Variants in MINDY4B observed in about 807,000 individuals in gnomAD.
MINDY4B encodes MINDY family member 4B, also known as inactive ubiquitin carboxyl-terminal hydrolase MINDY-4B.
MINDY4B carries 25 observed loss-of-function variants against 16.7 expected under a neutral mutation model. The observed-to-expected ratio is 1.49, with a 90% confidence interval of 1.09 to 2.09. The LOEUF (loss-of-function observed/expected upper bound fraction) is 2.09, where lower values mean the gene tolerates loss of function less well. Among genes scored for constraint, MINDY4B ranks in the 30% most tolerant of loss-of-function variants. MINDY4B has a pLI of 0.00. For synonymous variants in MINDY4B, 132 were observed against 61.9 expected (o/e 2.13, Z -5.32); for missense variants, 327 against 168.4 (o/e 1.94, Z -5.21).
intron 9 of MINDY4B, 85 bp downstream of exon 9, chr3:150,883,614 CT>C: frequency 3.0e-6 from 2 of 662,566 alleles, no homozygotes; most frequent in South Asian, 1.6e-5. Context: ...ATTCAGATTG[CT>C]TTTCTTTTTT....
At chr3:150,881,004 C>T (rs1711517169) in intron 10 of MINDY4B, among the ~76,000 whole-genome samples, 1 of 152,190 alleles carries the variant, frequency 6.6e-6, no homozygotes, top group African/African-American at 2.4e-5. Context: ...TGATTAGGAG[C>T]TTTATAACGA....
At chr3:150,893,465 G>A (rs1465171531) in intron 4 of MINDY4B, 50 bp from the exon 5 acceptor site, 1 of 702,514 alleles carries the variant, frequency 1.4e-6, no homozygotes, top group South Asian at 1.5e-5. Context: ...GGAAATTAAT[G>A]TTATCTATTC....
chr3:150,889,547 C>T (rs113150886), intron 7 of MINDY4B, among the ~76,000 whole-genome samples: 4 of 152,320 alleles, frequency 2.6e-5, no homozygotes, highest in Non-Finnish European at 5.9e-5. Flanking sequence ...TTTACAAGTT[C>T]CGGGTATAGA....
At chr3:150,898,284 T>C (rs139335158) in intron 3 of MINDY4B, among the ~76,000 whole-genome samples, 2 of 152,202 alleles carry the variant, frequency 1.3e-5, no homozygotes, top group African/African-American at 4.8e-5. Context: ...AAGCTGTGTA[T>C]AAATGTGGAA....
intron 11 of MINDY4B, among the ~76,000 whole-genome samples, chr3:150,871,927 T>A (rs1003377973): frequency 1.3e-5 from 2 of 152,192 alleles, no homozygotes; most frequent in Non-Finnish European, 2.9e-5. Flanking sequence ...GGCTTTCTAG[T>A]GGGGTAAGCA....
At chr3:150,885,559 A>G in intron 7 of MINDY4B, 121 bp from the exon 8 acceptor site, 1 of 657,066 alleles carries the variant, frequency 1.5e-6, no homozygotes, top group Non-Finnish European at 2.7e-6. Flanking sequence ...TGCTGAAAGG[A>G]ATGAGCTCCT....
At position 150,885,440 on chromosome 3, in the gene MINDY4B, T is replaced by C. The variant is rs984819507; in HGVS notation, c.754-2A>G. ...ACCATGGCTTCCTTCCCCTCTGAAC[T>C]GTTCGGAAAAGAAAAGAAAAGCATG... On this transcript the variant is annotated splice_acceptor_variant, in intron 7 of 11. Transcript: ENST00000465419. LOFTEE classifies it high-confidence loss of function. 1.1e-5 allele frequency: 7 copies of C among 666,372 alleles called. No homozygotes were observed. In the Admixed American group the frequency reaches 1.3e-4, roughly 12 times the overall value. 41.3% of individuals were successfully genotyped at this position (666,372 alleles called of 1,614,324 possible).
At chr3:150,888,200 C>T (rs1048104831) in intron 7 of MINDY4B, among the ~76,000 whole-genome samples, 2 of 152,000 alleles carry the variant, frequency 1.3e-5, no homozygotes, top group Non-Finnish European at 2.9e-5. Flanking sequence ...GCCGCCATTC[C>T]TTGGCTTGGA....
intron 10 of MINDY4B, among the ~76,000 whole-genome samples, chr3:150,879,778 T>C (rs941436494): frequency 6.6e-6 from 1 of 152,120 alleles, no homozygotes; most frequent in Admixed American, 6.5e-5. Flanking sequence ...TGGGCATTGA[T>C]AGTTGTAAAA....
chr3:150,901,954 C>T (rs542894488), intron 3 of MINDY4B, among the ~76,000 whole-genome samples: 2 of 151,918 alleles, frequency 1.3e-5, no homozygotes, highest in Admixed American at 1.3e-4. Flanking sequence ...AATCCAGGGG[C>T]TGTGTGGTCC....
At chr3:150,873,652 T>G (rs1717020319) in intron 10 of MINDY4B, among the ~76,000 whole-genome samples, 1 of 152,182 alleles carries the variant, frequency 6.6e-6, no homozygotes, top group Non-Finnish European at 1.5e-5. Flanking sequence ...AGTTTGGCTT[T>G]GAGGCGAAGT....
At chr3:150,897,899 G>C (rs780135110) in intron 3 of MINDY4B, among the ~76,000 whole-genome samples, 1 of 152,196 alleles carries the variant, frequency 6.6e-6, no homozygotes. Flanking sequence ...CCCAGGACAG[G>C]CATTGAAAAC....
chr3:150,896,068 G>A (rs145149805), intron 3 of MINDY4B, among the ~76,000 whole-genome samples: 1 of 151,768 alleles, frequency 6.6e-6, no homozygotes, highest in South Asian at 2.1e-4. Context: ...TCATATTTTC[G>A]GATTCTTTTT....
At chr3:150,888,327 C>A (rs59741456) in intron 7 of MINDY4B, among the ~76,000 whole-genome samples, 10,997 of 152,148 alleles carry the variant, frequency 0.072, 470 homozygotes, top group African/African-American at 0.12. Context: ...CTAACTGAGT[C>A]TGGCCTCATC....
At chr3:150,897,415 C>T (rs543452045) in intron 3 of MINDY4B, among the ~76,000 whole-genome samples, 16 of 147,930 alleles carry the variant, frequency 1.1e-4, no homozygotes, top group African/African-American at 3.5e-4. Flanking sequence ...TGCAAAGTAC[C>T]CTGGGCCTGA....
chr3:150,891,220 A>T, intron 5 of MINDY4B, 117 bp from the exon 6 acceptor site: 3 of 616,864 alleles, frequency 4.9e-6, no homozygotes, highest in Non-Finnish European at 8.8e-6. Context: ...AGCGATTTAC[A>T]CCCAGCTCAC....
intron 8 of MINDY4B, 83 bp from the exon 9 acceptor site, chr3:150,883,855 G>GCA: frequency 1.5e-6 from 1 of 687,738 alleles, no homozygotes; most frequent in Middle Eastern, 2.7e-4. Flanking sequence ...AAAACACAAA[G>GCA]CAGCAGTAAC....
chr3:150,901,583 G>A lies in MINDY4B; in HGVS notation c.309+1666C>T, dbSNP rs143427889. 1,058 of 149,998 alleles carry A rather than the reference G, an allele frequency of 7.1e-3. 5 individuals carry two copies. The highest frequency in any genetic ancestry group is 9.8e-3 in the Non-Finnish European group (667 of 67,776). 9.3% of individuals were successfully genotyped at this position (149,998 alleles called of 1,614,324 possible). A position where few individuals can be genotyped will look rare whatever the true frequency, so the allele number is the denominator to read the frequency against. On this transcript the variant is annotated intron_variant, in intron 3 of 11. Transcript: ENST00000465419. Reference sequence around the variant, plus strand: ...GTTGCCCAGGCTGGAGTACAGTTGCGGGATCATGGCTAACTGCAACCTCTG... The same window carrying A: ...GTTGCCCAGGCTGGAGTACAGTTGCAGGATCATGGCTAACTGCAACCTCTG...
chr3:150,888,082 G>A (rs371309207), intron 7 of MINDY4B, among the ~76,000 whole-genome samples: 2 of 152,078 alleles, frequency 1.3e-5, no homozygotes, highest in East Asian at 1.9e-4. Context: ...ACTCCAGCCC[G>A]GGAGCCGGAG....
Sources: allele counts gnomAD v4.1 joint callset (sites outside exome capture counted in the v4.1 genomes callset), GRCh38; gene constraint gnomAD v4.1.1; transcripts MANE v1.5; gene names NCBI Gene and HGNC (gene_info 2026-07-23, HGNC 2026-07-21).